DENND2C: variants seen among roughly 807,000 people sequenced by gnomAD.
DENND2C encodes DENN domain-containing protein 2C.
Under a neutral mutation model 112.4 loss-of-function variants are expected in DENND2C, and 72 were observed. That is an observed-to-expected ratio of 0.64 (90% confidence interval 0.53 to 0.78). The LOEUF (loss-of-function observed/expected upper bound fraction) is 0.78. Among genes scored for constraint, DENND2C ranks in the 30% least tolerant of loss-of-function variants. The pLI is 0.00. For missense variants in DENND2C, 992 were observed against 1,113.8 expected (o/e 0.89, Z 1.56); for synonymous variants, 329 against 381.6 (o/e 0.86, Z 1.61).
At chr1:114,644,605 A>C (rs1048350066) in intron 3 of DENND2C, among the ~76,000 whole-genome samples, 3 of 152,174 alleles carry the variant, frequency 2.0e-5, no homozygotes, top group Non-Finnish European at 4.4e-5. Context: ...AATAATTCAC[A>C]CCACAATAAG....
At chr1:114,608,002 C>T (rs947703633) in intron 10 of DENND2C, among the ~76,000 whole-genome samples, 2 of 152,156 alleles carry the variant, frequency 1.3e-5, no homozygotes, top group East Asian at 1.9e-4. Flanking sequence ...TAAGACACAA[C>T]GTGGTGGCTC....
chr1:114,659,576 T>C (rs1657432034), intron 1 of DENND2C, among the ~76,000 whole-genome samples: 1 of 152,170 alleles, frequency 6.6e-6, no homozygotes, highest in Admixed American at 6.6e-5. Context: ...TAGACAATAG[T>C]ACCAAGTGTC....
intron 2 of DENND2C, among the ~76,000 whole-genome samples, chr1:114,645,765 C>T (rs1363520976): frequency 1.3e-5 from 2 of 152,112 alleles, no homozygotes; most frequent in Non-Finnish European, 2.9e-5. Context: ...ACTAACTGAA[C>T]ATTTAAAAAT....
intron 3 of DENND2C, among the ~76,000 whole-genome samples, chr1:114,641,091 TAAG>T (rs926873062): frequency 6.6e-6 from 1 of 151,880 alleles, no homozygotes; most frequent in African/African-American, 2.4e-5. Context: ...AGGAAAGAGA[TAAG>T]AAGATTCTCT....
chr1:114,617,799 T>C (rs1014575638), intron 8 of DENND2C, among the ~76,000 whole-genome samples: 1 of 152,174 alleles, frequency 6.6e-6, no homozygotes, highest in African/African-American at 2.4e-5. Context: ...TAAATGATTA[T>C]AAATCAAAGT....
In DENND2C at chr1:114,667,779, T is replaced by A. The variant is rs369096917; in HGVS notation, c.-574+2204A>T. Among the ~76,000 whole-genome samples, 8 of 152,340 alleles carry A rather than the reference T, an allele frequency of 5.3e-5. 1 individual carries two copies. The South Asian group carries it at 1.7e-3, about 32-fold the overall frequency. On this transcript the variant is annotated intron_variant, in intron 1 of 20. Transcript: ENST00000393274. ...TAGCGCAAAGGTTACAATCAGGTCCTTGGAGAATGACTGATTTGAATCCTA... is the reference window on the plus strand; with the variant it reads ...TAGCGCAAAGGTTACAATCAGGTCCATGGAGAATGACTGATTTGAATCCTA...
intron 1 of DENND2C, among the ~76,000 whole-genome samples, chr1:114,655,152 G>A (rs1385136770): frequency 6.6e-6 from 1 of 152,120 alleles, no homozygotes; most frequent in Non-Finnish European, 1.5e-5. Context: ...CCACAAGCAG[G>A]TATTATTATC....
At chr1:114,650,133 C>T (rs1657113467) in intron 2 of DENND2C, among the ~76,000 whole-genome samples, 1 of 150,944 alleles carries the variant, frequency 6.6e-6, no homozygotes, top group Admixed American at 6.6e-5. Flanking sequence ...ACCAGCCTGG[C>T]TAACGTGGTG....
intron 3 of DENND2C, among the ~76,000 whole-genome samples, chr1:114,636,536 G>A (rs967064079): frequency 2.6e-5 from 4 of 152,038 alleles, no homozygotes; most frequent in Non-Finnish European, 1.5e-5. Context: ...ATGGTGGTGC[G>A]TGCCTGCAGT....
intron 1 of DENND2C, among the ~76,000 whole-genome samples, chr1:114,661,317 G>A (rs1485841691): frequency 6.6e-6 from 1 of 152,070 alleles, no homozygotes. Flanking sequence ...TTAATTTCCA[G>A]CTGATTTAGC....
At chr1:114,631,798 A>T (rs972408319) in intron 3 of DENND2C, among the ~76,000 whole-genome samples, 2 of 152,190 alleles carry the variant, frequency 1.3e-5, no homozygotes, top group Non-Finnish European at 2.9e-5. Flanking sequence ...GAGAAAAAAA[A>T]AGTAGAACCA....
intron 1 of DENND2C, among the ~76,000 whole-genome samples, chr1:114,665,426 G>A (rs1253134032): frequency 6.6e-6 from 1 of 152,136 alleles, no homozygotes; most frequent in Non-Finnish European, 1.5e-5. Context: ...AATACTTTGG[G>A]CAATACAGAC....
intron 10 of DENND2C, among the ~76,000 whole-genome samples, chr1:114,605,713 G>A (rs939843183): frequency 1.3e-5 from 2 of 152,194 alleles, no homozygotes; most frequent in Non-Finnish European, 2.9e-5. Context: ...AGGATTTCTT[G>A]AGCCTGGGAG....
At position 114,585,524 on chromosome 1, in the gene DENND2C, T is replaced by C; in HGVS notation, c.*76A>G. ...TTCAAGAATTTTGTAGAATACTTCA[T>C]GGGATCCTGACCCTTAGAAAAATAT... On this transcript the variant is annotated 3_prime_UTR_variant, in exon 21 of 21. Coordinates refer to ENST00000393274, the MANE Select transcript of DENND2C (RefSeq NM_001256404.2). The C allele has an allele frequency of 6.7e-7, 1 of 1,501,166 alleles. No homozygotes were observed. The allele number at this position is 1,501,166 out of a possible 1,614,324, so 93.0% of individuals were successfully genotyped here.
chr1:114,605,059 TA>T lies in DENND2C; in HGVS notation c.1558-29del, dbSNP rs773721195. The T allele has an allele frequency of 2.0e-6, 3 of 1,501,016 alleles. No individual in the cohort carries two copies. In the East Asian group the frequency reaches 6.8e-5, roughly 34 times the overall value. 93.0% of individuals were successfully genotyped at this position (1,501,016 alleles called of 1,614,324 possible). The stretch of plus-strand genomic sequence containing the variant: ...GAAAAAGATAACACCATAGGTGACT[TA>T]AATTATACTATGTAAGTGGGGAATA... On this transcript the variant is annotated intron_variant, in intron 10 of 20. Coordinates refer to ENST00000393274, the MANE Select transcript of DENND2C (RefSeq NM_001256404.2).
intron 16 of DENND2C, 128 bp from the exon 17 acceptor site, chr1:114,596,001 C>A (rs1372446418): frequency 3.9e-6 from 3 of 777,216 alleles, no homozygotes; most frequent in Admixed American, 4.6e-5. Flanking sequence ...ATCAACACAA[C>A]AAAAAATAAA....
chr1:114,608,352 T>C (rs894185255), intron 10 of DENND2C, among the ~76,000 whole-genome samples: 1 of 152,006 alleles, frequency 6.6e-6, no homozygotes, highest in Non-Finnish European at 1.5e-5. Context: ...TCACACAGAG[T>C]CCATGCTCTA....
At chr1:114,669,605 T>C (rs1657733758) in intron 1 of DENND2C, among the ~76,000 whole-genome samples, 1 of 152,162 alleles carries the variant, frequency 6.6e-6, no homozygotes, top group Non-Finnish European at 1.5e-5. Context: ...CACTGGCTAA[T>C]TTTGGAGAAA....
intron 1 of DENND2C, among the ~76,000 whole-genome samples, chr1:114,665,542 C>A (rs537659292): frequency 6.6e-6 from 1 of 152,084 alleles, no homozygotes; most frequent in Non-Finnish European, 1.5e-5. Context: ...GGGTTACATT[C>A]GGATAAACCC....
Sources: gnomAD v4.1 joint callset for allele counts (sites outside exome capture counted in the v4.1 genomes callset) on GRCh38, gnomAD v4.1.1 for gene constraint, MANE v1.5 for transcripts, NCBI Gene and HGNC (gene_info 2026-07-23, HGNC 2026-07-21) for gene names.